The following SIRPG variants were observed in gnomAD, a reference collection of about 807,000 sequenced individuals.
SIRPG encodes the protein signal regulatory protein gamma.
SIRPG carries 38 observed loss-of-function variants against 35.7 expected under a neutral mutation model. The ratio of observed to expected loss-of-function variants is 1.06; its 90% confidence interval spans 0.82 to 1.40. SIRPG has a LOEUF of 1.40. Ranked by LOEUF, SIRPG falls within the 40% of genes most tolerant of loss-of-function variation. The pLI is 0.00. For missense variants in SIRPG, 519 were observed against 483.0 expected, an observed-to-expected ratio of 1.07 and a Z score of -0.70; for synonymous variants, 215 against 190.4, an observed-to-expected ratio of 1.13 and a Z score of -1.06.
At chr20:1,679,527 C>T in the SIRPG span, among the ~76,000 whole-genome samples, 1 of 152,072 alleles carries the variant, frequency 6.6e-6, no homozygotes, top group Non-Finnish European at 1.5e-5. Context: ...ATCTGTCTTG[C>T]TTCCCCATCT....
chr20:1,636,893 A>C (rs1369844023), intron 2 of SIRPG, among the ~76,000 whole-genome samples: 1 of 152,176 alleles, frequency 6.6e-6, no homozygotes, highest in African/African-American at 2.4e-5. Flanking sequence ...CAGAAGCCAA[A>C]GTAGGGAACA....
At chr20:1,646,591 T>C (rs2091899084) in intron 2 of SIRPG, 1 of 152,348 alleles carries the variant, frequency 6.6e-6, no homozygotes, top group African/African-American at 2.4e-5. Context: ...GCAGAACCTT[T>C]CTAATGAGAG....
At chr20:1,642,824 A>G (rs1046944014) in intron 2 of SIRPG, among the ~76,000 whole-genome samples, 2 of 152,152 alleles carry the variant, frequency 1.3e-5, no homozygotes, top group Non-Finnish European at 2.9e-5. Flanking sequence ...TCCTTCACAT[A>G]TGAAGCTTAG....
At chr20:1,654,933 T>C (rs568231730) in intron 1 of SIRPG, among the ~76,000 whole-genome samples, 5 of 152,090 alleles carry the variant, frequency 3.3e-5, no homozygotes, top group Admixed American at 3.3e-4. Context: ...TAAAAAAAAA[T>C]CCAACCTTAC....
the SIRPG span, among the ~76,000 whole-genome samples, chr20:1,668,239 CTTTCTTTCTTTTTCTTTT>C: frequency 4.0e-5 from 2 of 50,628 alleles, no homozygotes; most frequent in Admixed American, 4.9e-4. Context: ...TTCTTTCTTT[CTTTCTTTCTTTTTCTTTT>C]TCTTTTTCTT....
At chr20:1,668,659 G>A in the SIRPG span, among the ~76,000 whole-genome samples, 5 of 152,128 alleles carry the variant, frequency 3.3e-5, no homozygotes, top group South Asian at 2.1e-4. Flanking sequence ...ACAAAAAACA[G>A]CCATGAAAGA....
chr20:1,636,634 G>A (rs1489015996), intron 2 of SIRPG, 129 bp from the exon 3 acceptor site: 2 of 1,078,880 alleles, frequency 1.9e-6, no homozygotes, highest in East Asian at 5.1e-5. Context: ...AGAGGATGGT[G>A]TTCTTATTCT....
intron 3 of SIRPG, 66 bp from the exon 4 acceptor site, chr20:1,635,665 A>G (rs1175598654): frequency 1.3e-6 from 2 of 1,527,920 alleles, no homozygotes; most frequent in Non-Finnish European, 1.8e-6. Flanking sequence ...GGGCTCCATA[A>G]CTTAACTCCC....
At chr20:1,635,021 C>T (rs559770854) in intron 4 of SIRPG, among the ~76,000 whole-genome samples, 1,956 of 149,042 alleles carry the variant, frequency 0.013, 52 homozygotes, top group African/African-American at 0.043. Flanking sequence ...CCAGTCTGGG[C>T]GACAGAGCCA....
At position 1,649,201 on chromosome 20, in the gene SIRPG, A is replaced by G. The variant is rs1555815213; in HGVS notation, c.281T>C (p.Leu94Pro). Reference protein sequence around the residue: ...HFPRVTTVSDLTKRNNMDFSI... With the variant: ...HFPRVTTVSDPTKRNNMDFSI... ...AAAGTCCATGTTGTTTCTCTTTGTG[A>G]GGTCTGAAACTGTTGTTACCCTGGG... The change falls in exon 2 of 6, where the codon CTC becomes CCC. Residue 94 changes from leucine to proline, a missense_variant. Coordinates refer to ENST00000303415, the MANE Select transcript of SIRPG (RefSeq NM_018556.4). 2 of 1,613,922 alleles carry G rather than the reference A, an allele frequency of 1.2e-6. No individual in the cohort carries two copies. Among genetic ancestry groups the G allele is most frequent in the African/African-American group, 1.3e-5 (1 of 74,834 alleles).
chr20:1,641,054 A>G (rs2091848189), intron 2 of SIRPG, among the ~76,000 whole-genome samples: 1 of 152,200 alleles, frequency 6.6e-6, no homozygotes, highest in Non-Finnish European at 1.5e-5. Context: ...TATCAGGGAT[A>G]CTGGCCTGAT....
the SIRPG span, among the ~76,000 whole-genome samples, chr20:1,671,559 C>T: frequency 5.9e-5 from 9 of 151,986 alleles, no homozygotes; most frequent in Non-Finnish European, 8.8e-5. Flanking sequence ...AACCCAGCGG[C>T]GCTAGAGGAA....
Position 1,644,692 on chromosome 20 carries a change from C to T in SIRPG, c.430+4360G>A, listed in dbSNP as rs562021178. On this transcript the variant is annotated intron_variant, in intron 2 of 5. Transcript: ENST00000303415. ...AGACCCTAGGCCCCAGTGGCATGGG[C>T]TCATGAGTGGGATCTCCCGATCTGA... 2.0e-5 allele frequency among the ~76,000 whole-genome samples: 3 copies of T among 152,336 alleles called. No homozygotes were observed. The South Asian group carries it at 6.2e-4, about 32-fold the overall frequency.
chr20:1,647,584 T>TA (rs1183460892), intron 2 of SIRPG: 1 of 152,228 alleles, frequency 6.6e-6, no homozygotes, highest in Non-Finnish European at 1.5e-5. Context: ...AGGAGGGTGA[T>TA]ACATGTACAA....
chr20:1,657,602 G>A lies in SIRPG; in HGVS notation c.73+40C>T, dbSNP rs200357619. Reference sequence around the variant, plus strand: ...AGTCCAGGGGCAAGGCTAGGTCCAGGAAGCAGGGAGAAAGGGTTCTAGCCC... The same window carrying A: ...AGTCCAGGGGCAAGGCTAGGTCCAGAAAGCAGGGAGAAAGGGTTCTAGCCC... On this transcript the variant is annotated intron_variant, in intron 1 of 5. Coordinates refer to ENST00000303415, the MANE Select transcript of SIRPG (RefSeq NM_018556.4). 579 of 1,600,742 alleles carry A rather than the reference G, an allele frequency of 3.6e-4. 1 individual carries two copies. In the African/African-American group the frequency reaches 6.2e-3, roughly 17 times the overall value.
the SIRPG span, among the ~76,000 whole-genome samples, chr20:1,684,094 T>C: frequency 6.6e-6 from 1 of 152,134 alleles, no homozygotes; most frequent in African/African-American, 2.4e-5. Flanking sequence ...GTTTAAGAGA[T>C]GTATTGTACG....
At chr20:1,641,366 A>G (rs2091850832) in intron 2 of SIRPG, among the ~76,000 whole-genome samples, 3 of 152,018 alleles carry the variant, frequency 2.0e-5, no homozygotes, top group African/African-American at 7.3e-5. Context: ...GAATTTATCC[A>G]TTTCTTCTAG....
At chr20:1,684,180 C>A in the SIRPG span, among the ~76,000 whole-genome samples, 1 of 151,840 alleles carries the variant, frequency 6.6e-6, no homozygotes, top group Non-Finnish European at 1.5e-5. Flanking sequence ...AAGTTCTCAC[C>A]ACAAAAAGTG....
intron 4 of SIRPG, 94 bp from the exon 5 acceptor site, chr20:1,630,400 C>T: frequency 2.2e-6 from 2 of 899,962 alleles, no homozygotes; most frequent in African/African-American, 1.7e-5. Flanking sequence ...TGCCTGGGCC[C>T]ATCTATGCCC....
Sources: gnomAD v4.1 joint callset for allele counts (sites outside exome capture counted in the v4.1 genomes callset) on GRCh38, gnomAD v4.1.1 for gene constraint, MANE v1.5 for transcripts, NCBI Gene and HGNC (gene_info 2026-07-23, HGNC 2026-07-21) for gene names.